The following ZNF469 variants were observed in gnomAD, a reference collection of about 807,000 sequenced individuals.
ZNF469 encodes the protein zinc finger protein 469.
In ZNF469, 1 loss-of-function variant was observed where a neutral mutation model predicts 1.0. That is an observed-to-expected ratio of 1.00 (90% CI 0.35 to 4.73). The LOEUF is 4.73. Ranked by LOEUF, ZNF469 falls within the 30% of genes most tolerant of loss-of-function variation. The pLI is 0.16. For missense variants in ZNF469, 6,100 were observed against 5,356.3 expected (o/e 1.14, Z -4.33); for synonymous variants, 2,703 against 2,363.4 (o/e 1.14, Z -4.17).
chr16:88,364,489 CAAAAAAAAAAA>C, the ZNF469 span, among the ~76,000 whole-genome samples: 8 of 56,160 alleles, frequency 1.4e-4, no homozygotes, highest in South Asian at 1.6e-3. Flanking sequence ...TGTTGATTTC[CAAAAAAAAAAA>C]AAAAAAAAAA....
the ZNF469 span, among the ~76,000 whole-genome samples, chr16:88,305,215 C>A: frequency 6.6e-6 from 1 of 152,136 alleles, no homozygotes; most frequent in Non-Finnish European, 1.5e-5. Context: ...TCAGTGCACA[C>A]CCTCACACAC....
the ZNF469 span, among the ~76,000 whole-genome samples, chr16:88,354,694 G>C: frequency 5.3e-5 from 8 of 152,172 alleles, no homozygotes; most frequent in African/African-American, 1.9e-4. Context: ...AACGCTCTTT[G>C]AATTTAATTT....
the ZNF469 span, among the ~76,000 whole-genome samples, chr16:88,112,289 G>T: frequency 1.3e-5 from 2 of 152,226 alleles, no homozygotes; most frequent in African/African-American, 2.4e-5. Context: ...CTTTCTTTTG[G>T]GTCTATACCA....
Position 88,433,952 on chromosome 16 carries a change from GC to G in ZNF469, c.6487del (p.Gln2163SerfsTer37). The G allele has an allele frequency of 6.5e-7, 1 of 1,550,192 alleles. No homozygotes were observed. The highest frequency in any genetic ancestry group is 8.7e-7 in the Non-Finnish European group (1 of 1,146,922). On this transcript the variant is annotated frameshift_variant, in exon 3 of 3. Coordinates refer to ENST00000565624, the MANE Select transcript of ZNF469 (RefSeq NM_001367624.2). LOFTEE classifies it low-confidence loss of function (END_TRUNC). Reference sequence around the variant, plus strand: ...TCTCCGTCCTGCAGGGACCCTCCCGGCCCCCAGCAGCTGCTGGCCTGTTCTC... The same window carrying G: ...TCTCCGTCCTGCAGGGACCCTCCCGGCCCCAGCAGCTGCTGGCCTGTTCTC... The part of the protein sequence containing the change: ...PASPSCRDPP[G>X]PQQLLACSPA...
chr16:88,349,722 A>AG, the ZNF469 span, among the ~76,000 whole-genome samples: 1 of 57,646 alleles, frequency 1.7e-5, no homozygotes, highest in African/African-American at 6.3e-5. Flanking sequence ...GTACACATCC[A>AG]GCACAATACA....
chr16:88,201,674 G>T, the ZNF469 span, among the ~76,000 whole-genome samples: 1 of 152,218 alleles, frequency 6.6e-6, no homozygotes, highest in African/African-American at 2.4e-5. The surrounding 1 kb of genome is among the most constrained non-coding windows in gnomAD (Gnocchi z 5.0). Flanking sequence ...GGACTGTGGG[G>T]TGAGGCCGCA....
At chr16:88,343,392 A>G in the ZNF469 span, among the ~76,000 whole-genome samples, 7 of 152,362 alleles carry the variant, frequency 4.6e-5, no homozygotes, top group East Asian at 1.9e-4. Flanking sequence ...AACAATGTAC[A>G]TAGACGCTTG....
intron 1 of ZNF469, among the ~76,000 whole-genome samples, chr16:88,418,554 G>A (rs1304543473): frequency 1.1e-5 from 1 of 89,912 alleles, no homozygotes; most frequent in Non-Finnish European, 2.3e-5. Flanking sequence ...CCGCCCCCCC[G>A]GCCACCTCCC....
the ZNF469 span, among the ~76,000 whole-genome samples, chr16:88,203,270 G>C: frequency 6.6e-6 from 1 of 152,108 alleles, no homozygotes; most frequent in East Asian, 1.9e-4. Flanking sequence ...GCCAAGACCC[G>C]CGTCTAGGAA....
At chr16:88,225,850 T>C in the ZNF469 span, among the ~76,000 whole-genome samples, 1 of 152,172 alleles carries the variant, frequency 6.6e-6, no homozygotes, top group Admixed American at 6.5e-5. Context: ...ATGTCAGCTG[T>C]TTGCAAAGTA....
rs906913822 is a variant in ZNF469, at chr16:88,433,865, G to A, written c.6395G>A (p.Arg2132His). Residue 2132 changes from arginine (R) to histidine (H), a missense_variant, in exon 3 of 3, where the codon CGT becomes CAT. Coordinates refer to ENST00000565624, the MANE Select transcript of ZNF469 (RefSeq NM_001367624.2). Reference sequence around the variant, plus strand: ...CCCTGCAGCCTTGGGCCCCTGCCCCGTGAAGACCCACTTACCTCGCCTTCC... The same window carrying A: ...CCCTGCAGCCTTGGGCCCCTGCCCCATGAAGACCCACTTACCTCGCCTTCC... ...HMPCSLGPLP[R>H]EDPLTSPSRA... 38 of 1,549,048 alleles carry A rather than the reference G, an allele frequency of 2.5e-5. No homozygotes were observed. Among genetic ancestry groups the A allele is most frequent in the African/African-American group, 5.5e-5 (4 of 73,038 alleles).
At chr16:88,216,491 C>CT in the ZNF469 span, among the ~76,000 whole-genome samples, 2 of 60,240 alleles carry the variant, frequency 3.3e-5, no homozygotes, top group Non-Finnish European at 9.0e-5. Context: ...GAGACTCCGT[C>CT]TCAAAAAAAA....
the ZNF469 span, among the ~76,000 whole-genome samples, chr16:88,206,645 G>C: frequency 6.6e-6 from 1 of 151,680 alleles, no homozygotes; most frequent in Non-Finnish European, 1.5e-5. Flanking sequence ...GTCACGACTC[G>C]ACTCTGGTTC....
chr16:88,306,154 C>A, the ZNF469 span, among the ~76,000 whole-genome samples: 1 of 152,248 alleles, frequency 6.6e-6, no homozygotes, highest in African/African-American at 2.4e-5. Flanking sequence ...ACAAGAGGTT[C>A]AGAAGCAGCC....
At chr16:88,118,444 C>G in the ZNF469 span, among the ~76,000 whole-genome samples, 2 of 152,176 alleles carry the variant, frequency 1.3e-5, no homozygotes, top group African/African-American at 2.4e-5. Context: ...GCTGCTCGAC[C>G]TGGTCCTGCC....
At chr16:88,169,883 C>T in the ZNF469 span, among the ~76,000 whole-genome samples, 8 of 152,314 alleles carry the variant, frequency 5.3e-5, no homozygotes, top group South Asian at 8.3e-4. This position sits in a 1 kb window ranked among gnomAD's most constrained non-coding sequence, Gnocchi z 6.1. Context: ...TCTCTGGGGT[C>T]GGCCCTGCCA....
At chr16:88,116,368 C>T in the ZNF469 span, among the ~76,000 whole-genome samples, 5 of 152,134 alleles carry the variant, frequency 3.3e-5, no homozygotes, top group South Asian at 4.1e-4. Context: ...GCCGCAATGC[C>T]GCAGTGTAGA....
the ZNF469 span, among the ~76,000 whole-genome samples, chr16:88,120,456 G>A: frequency 2.6e-5 from 4 of 152,264 alleles, no homozygotes; most frequent in East Asian, 1.9e-4. Context: ...GAGATGGCGC[G>A]CCCCACCTCG....
At chr16:88,126,981 G>A in the ZNF469 span, among the ~76,000 whole-genome samples, 25 of 152,242 alleles carry the variant, frequency 1.6e-4, 1 homozygote, top group Admixed American at 1.4e-3. Flanking sequence ...CACCACGCCC[G>A]GCTATTTTTG....
Sources: allele counts gnomAD v4.1 joint callset (sites outside exome capture counted in the v4.1 genomes callset), GRCh38; gene constraint gnomAD v4.1.1; non-coding constraint Gnocchi (gnomAD v3.1); transcripts MANE v1.5; gene names NCBI Gene and HGNC (gene_info 2026-07-23, HGNC 2026-07-21).